The following PPM1E variants were observed in gnomAD, a reference collection of about 807,000 sequenced individuals.
PPM1E encodes protein phosphatase 1E.
In PPM1E, 20 loss-of-function variants were observed where a neutral mutation model predicts 65.9. The observed-to-expected ratio is 0.30, with a 90% CI of 0.21 to 0.44. The LOEUF (loss-of-function observed/expected upper bound fraction) is 0.44, where lower values mean the gene tolerates loss of function less well. Among genes scored for constraint, PPM1E ranks in the 20% least tolerant of loss-of-function variants. The pLI, the probability that PPM1E is intolerant of heterozygous loss-of-function variation, is 1.00. For missense variants in PPM1E, 713 were observed against 953.1 expected (o/e 0.75, Z 3.32); for synonymous variants, 352 against 374.9 (o/e 0.94, Z 0.70).
intron 1 of PPM1E, among the ~76,000 whole-genome samples, chr17:58,883,381 GT>G (rs1700016663): frequency 6.7e-6 from 1 of 150,112 alleles, no homozygotes; most frequent in Non-Finnish European, 1.5e-5. Flanking sequence ...TGCTGGCATA[GT>G]TTCTTTCTAC....
chr17:58,842,939 CA>C (rs370044150), intron 1 of PPM1E, among the ~76,000 whole-genome samples: 36 of 143,118 alleles, frequency 2.5e-4, no homozygotes, highest in African/African-American at 6.2e-4. Flanking sequence ...ATCTCTGTCT[CA>C]AAAAAAAAAG....
chr17:58,964,696 T>C (rs964182504), intron 2 of PPM1E, among the ~76,000 whole-genome samples: 6 of 152,200 alleles, frequency 3.9e-5, no homozygotes, highest in Admixed American at 3.3e-4. Flanking sequence ...TGCTAACCTA[T>C]TGGCTAAACT....
At chr17:58,951,722 C>T (rs557829255) in intron 1 of PPM1E, among the ~76,000 whole-genome samples, 1 of 151,010 alleles carries the variant, frequency 6.6e-6, no homozygotes, top group South Asian at 2.1e-4. Context: ...GATCAAAACA[C>T]ATATGCCAAT....
chr17:58,768,829 C>T (rs1445956280), intron 1 of PPM1E, among the ~76,000 whole-genome samples: 1 of 152,120 alleles, frequency 6.6e-6, no homozygotes, highest in Non-Finnish European at 1.5e-5. Flanking sequence ...GCCACTATGT[C>T]TGGCTAATTT....
At chr17:58,947,611 C>G (rs532604499) in intron 1 of PPM1E, among the ~76,000 whole-genome samples, 28 of 150,608 alleles carry the variant, frequency 1.9e-4, no homozygotes, top group South Asian at 8.5e-4. Flanking sequence ...CAAATACTCT[C>G]TACTATCTCG....
At chr17:58,758,052 A>C (rs923909220) in intron 1 of PPM1E, among the ~76,000 whole-genome samples, 1 of 152,226 alleles carries the variant, frequency 6.6e-6, no homozygotes, top group Non-Finnish European at 1.5e-5. Context: ...TTAGCAGCAG[A>C]CTGGCTCTAT....
At chr17:58,809,670 A>G (rs1007410518) in intron 1 of PPM1E, among the ~76,000 whole-genome samples, 1 of 152,212 alleles carries the variant, frequency 6.6e-6, no homozygotes, top group African/African-American at 2.4e-5. Context: ...GGCATGAGCC[A>G]CTGTGCCCAG....
chr17:58,827,631 G>A (rs1010791917), intron 1 of PPM1E, among the ~76,000 whole-genome samples: 7 of 151,924 alleles, frequency 4.6e-5, no homozygotes, highest in Non-Finnish European at 7.4e-5. Context: ...GGCTGGGCGC[G>A]GTGGCTTATG....
chr17:58,827,393 A>G (rs1307016432), intron 1 of PPM1E, among the ~76,000 whole-genome samples: 1 of 151,654 alleles, frequency 6.6e-6, no homozygotes, highest in Non-Finnish European at 1.5e-5. Flanking sequence ...TGGCCTCCCA[A>G]AGTGCTGGGA....
At chr17:58,829,065 G>A (rs142334775) in intron 1 of PPM1E, among the ~76,000 whole-genome samples, 1,702 of 150,700 alleles carry the variant, frequency 0.011, 37 homozygotes, top group African/African-American at 0.04. Flanking sequence ...TTTTTGAGAC[G>A]GAGTTTCACT....
chr17:58,907,375 T>A (rs2051571369), intron 1 of PPM1E, among the ~76,000 whole-genome samples: 1 of 146,524 alleles, frequency 6.8e-6, no homozygotes, highest in South Asian at 2.2e-4. Context: ...TTTTTATTCA[T>A]TTAAATTTCT....
At chr17:58,893,073 C>G (rs1447567942) in intron 1 of PPM1E, among the ~76,000 whole-genome samples, 1 of 152,168 alleles carries the variant, frequency 6.6e-6, no homozygotes, top group Non-Finnish European at 1.5e-5. Context: ...GAAATGTACT[C>G]TTACCATATG....
intron 1 of PPM1E, among the ~76,000 whole-genome samples, chr17:58,816,310 C>T (rs987947776): frequency 6.6e-6 from 1 of 152,056 alleles, no homozygotes; most frequent in Non-Finnish European, 1.5e-5. Flanking sequence ...AGGTGTGAGC[C>T]ACTACACCCA....
intron 1 of PPM1E, among the ~76,000 whole-genome samples, chr17:58,885,689 G>A (rs1477011270): frequency 1.3e-5 from 2 of 152,118 alleles, no homozygotes; most frequent in Non-Finnish European, 2.9e-5. Context: ...GTGGGTAGGG[G>A]AATTAAGTCC....
chr17:58,756,990 A>G (rs778388082), intron 1 of PPM1E, among the ~76,000 whole-genome samples: 1 of 152,178 alleles, frequency 6.6e-6, no homozygotes, highest in Admixed American at 6.5e-5. Flanking sequence ...TGCAACAATG[A>G]TGGTTATACC....
At chr17:58,874,935 A>T (rs183216664) in intron 1 of PPM1E, among the ~76,000 whole-genome samples, 137 of 152,290 alleles carry the variant, frequency 9.0e-4, no homozygotes, top group Middle Eastern at 3.4e-3. Context: ...AAGCTGAAGT[A>T]TCCTTTATCC....
At chr17:58,829,765 TA>T (rs895972359) in intron 1 of PPM1E, among the ~76,000 whole-genome samples, 6 of 152,246 alleles carry the variant, frequency 3.9e-5, no homozygotes, top group Admixed American at 3.3e-4. Context: ...TTAGTGAGCT[TA>T]AAAAAACAAA....
intron 1 of PPM1E, among the ~76,000 whole-genome samples, chr17:58,800,839 G>C (rs1378589009): frequency 2.6e-5 from 4 of 152,002 alleles, no homozygotes; most frequent in Non-Finnish European, 4.4e-5. Context: ...ATTATAAATT[G>C]TGTTGACTTT....
intron 1 of PPM1E, among the ~76,000 whole-genome samples, chr17:58,805,752 G>A (rs1434697638): frequency 6.6e-6 from 1 of 151,468 alleles, no homozygotes; most frequent in Admixed American, 6.6e-5. Context: ...AACAATGTGC[G>A]GTTTCATTTT....
Sources: allele counts gnomAD v4.1 joint callset (sites outside exome capture counted in the v4.1 genomes callset), GRCh38; gene constraint gnomAD v4.1.1; transcripts MANE v1.5; gene names NCBI Gene and HGNC (gene_info 2026-07-23, HGNC 2026-07-21).